The following NRG1 variants were observed in gnomAD, a reference collection of about 807,000 sequenced individuals.
NRG1 encodes the protein pro-neuregulin-1, membrane-bound isoform.
NRG1 carries 18 observed loss-of-function variants against 63.8 expected under a neutral mutation model. The ratio of observed to expected loss-of-function variants is 0.28; its 90% CI spans 0.19 to 0.42. The LOEUF is 0.42. Ranked by LOEUF, NRG1 falls within the 10% of genes least tolerant of loss-of-function variation. The pLI is 1.00. For synonymous variants in NRG1, 302 were observed against 301.3 expected (o/e 1.00, Z -0.02); for missense variants, 762 against 814.7 (o/e 0.94, Z 0.79).
chr8:32,316,783 TCTGA>T (rs918650639), intron 1 of NRG1, among the ~76,000 whole-genome samples: 9 of 149,722 alleles, frequency 6.0e-5, no homozygotes, highest in Admixed American at 1.4e-4. Flanking sequence ...TAGGGTATGT[TCTGA>T]CTATCAGCTC....
chr8:32,181,758 AAAC>A (rs1401663436), intron 1 of NRG1, among the ~76,000 whole-genome samples: 2 of 152,250 alleles, frequency 1.3e-5, no homozygotes, highest in African/African-American at 4.8e-5. Flanking sequence ...ATAAACATAC[AAAC>A]AACAATTAAT....
At chr8:32,064,704 T>G (rs1478913543) in intron 1 of NRG1, among the ~76,000 whole-genome samples, 1 of 152,110 alleles carries the variant, frequency 6.6e-6, no homozygotes, top group African/African-American at 2.4e-5. Context: ...CCTTACCAAT[T>G]TGGGGGAAAT....
chr8:32,240,843 A>C (rs550898312), intron 1 of NRG1, among the ~76,000 whole-genome samples: 1 of 152,138 alleles, frequency 6.6e-6, no homozygotes, highest in African/African-American at 2.4e-5. Context: ...TTATTTTGAG[A>C]TTTAATCAAT....
chr8:31,952,206 C>T (rs933189477), intron 1 of NRG1, among the ~76,000 whole-genome samples: 2 of 152,156 alleles, frequency 1.3e-5, no homozygotes, highest in African/African-American at 2.4e-5. Flanking sequence ...ATCCCTTTAG[C>T]GCCTACTAGA....
chr8:31,892,220 A>G (rs1831204002), intron 1 of NRG1, among the ~76,000 whole-genome samples: 1 of 152,144 alleles, frequency 6.6e-6, no homozygotes, highest in Non-Finnish European at 1.5e-5. Context: ...AAAATTTGAT[A>G]GTGCTTGATT....
At chr8:32,012,651 C>A (rs983487428) in intron 1 of NRG1, among the ~76,000 whole-genome samples, 5 of 151,962 alleles carry the variant, frequency 3.3e-5, no homozygotes, top group African/African-American at 9.7e-5. Context: ...TGGGAGAAAA[C>A]GTAGCTTCCT....
At chr8:31,700,960 C>A (rs1036979506) in intron 1 of NRG1, among the ~76,000 whole-genome samples, 7 of 152,142 alleles carry the variant, frequency 4.6e-5, no homozygotes, top group African/African-American at 1.7e-4. Flanking sequence ...TGTGGTTGGA[C>A]TTGGAGCTTC....
At chr8:32,099,986 G>A (rs929015726) in intron 1 of NRG1, among the ~76,000 whole-genome samples, 1 of 152,166 alleles carries the variant, frequency 6.6e-6, no homozygotes, top group South Asian at 2.1e-4. Context: ...TGGGATTGGA[G>A]TACAAGGGAA....
chr8:31,858,401 T>C (rs1181122384), intron 1 of NRG1, among the ~76,000 whole-genome samples: 1 of 152,076 alleles, frequency 6.6e-6, no homozygotes, highest in African/African-American at 2.4e-5. Flanking sequence ...GCTTGATAAG[T>C]GGATGCCTCA....
At position 32,214,205 on chromosome 8, in the gene NRG1, T is replaced by A. The variant is rs528477015; in HGVS notation, c.38-381623T>A. On this transcript the variant is annotated intron_variant, in intron 1 of 10. Coordinates refer to the NRG1 transcript ENST00000519301. ...GGCAGAGAGCTTTTCTTATAGCTGTTTTCTCTCAAAATTCTGTCTTCACAT... is the reference window on the plus strand; with the variant it reads ...GGCAGAGAGCTTTTCTTATAGCTGTATTCTCTCAAAATTCTGTCTTCACAT... Among the ~76,000 whole-genome samples, 7 of 152,238 alleles carry A rather than the reference T, an allele frequency of 4.6e-5. No homozygotes were observed. The South Asian group carries it at 1.5e-3, about 32-fold the overall frequency.
At chr8:32,440,248 G>A (rs1005698892) in intron 1 of NRG1, among the ~76,000 whole-genome samples, 1 of 152,166 alleles carries the variant, frequency 6.6e-6, no homozygotes, top group Non-Finnish European at 1.5e-5. Context: ...CCCCTGACAT[G>A]TGGGGACTAC....
chr8:32,535,774 A>G (rs1304858852), intron 1 of NRG1, among the ~76,000 whole-genome samples: 1 of 152,186 alleles, frequency 6.6e-6, no homozygotes, highest in African/African-American at 2.4e-5. Context: ...TAGGATGTAA[A>G]ATACCATGTC....
intron 1 of NRG1, among the ~76,000 whole-genome samples, chr8:32,131,863 A>G (rs1834863775): frequency 6.6e-6 from 1 of 152,000 alleles, no homozygotes; most frequent in African/African-American, 2.4e-5. Flanking sequence ...AGGAACTGTA[A>G]ACTCTAAACT....
At chr8:32,041,894 A>G (rs1462481043) in intron 1 of NRG1, among the ~76,000 whole-genome samples, 1 of 152,202 alleles carries the variant, frequency 6.6e-6, no homozygotes, top group Non-Finnish European at 1.5e-5. Context: ...TCCAAATTGT[A>G]CATGAATATG....
chr8:32,733,173 C>T (rs1824163320), intron 6 of NRG1, among the ~76,000 whole-genome samples: 1 of 152,076 alleles, frequency 6.6e-6, no homozygotes, highest in Admixed American at 6.5e-5. Flanking sequence ...TTGGGACCAC[C>T]AACTATCTTT....
intron 1 of NRG1, among the ~76,000 whole-genome samples, chr8:32,358,668 C>T (rs559166495): frequency 6.6e-6 from 1 of 152,190 alleles, no homozygotes; most frequent in African/African-American, 2.4e-5. Context: ...TATAGATCAT[C>T]TTCAAGATAG....
At chr8:32,389,407 A>T (rs1004456828) in intron 1 of NRG1, among the ~76,000 whole-genome samples, 7 of 152,202 alleles carry the variant, frequency 4.6e-5, no homozygotes, top group Non-Finnish European at 8.8e-5. Flanking sequence ...AATTTATAGC[A>T]TATTAAGAAG....
chr8:32,354,035 T>C (rs941809082), intron 1 of NRG1, among the ~76,000 whole-genome samples: 6 of 152,180 alleles, frequency 3.9e-5, no homozygotes, highest in African/African-American at 1.4e-4. Flanking sequence ...ACATGGATGA[T>C]GCAAAATAAT....
At chr8:32,647,846 T>A (rs1345147638) in intron 5 of NRG1, 1 of 1,613,866 alleles carries the variant, frequency 6.2e-7, no homozygotes, top group Non-Finnish European at 8.5e-7. Context: ...AGCCCCAGAC[T>A]GAAGATGGGA....
Sources: allele counts gnomAD v4.1 joint callset (sites outside exome capture counted in the v4.1 genomes callset), GRCh38; gene constraint gnomAD v4.1.1; transcripts MANE v1.5; gene names NCBI Gene and HGNC (gene_info 2026-07-23, HGNC 2026-07-21).